SLC8A1: variants seen among roughly 807,000 people sequenced by gnomAD.
SLC8A1 encodes the protein sodium/calcium exchanger 1.
In SLC8A1, 18 loss-of-function variants were observed where a neutral mutation model predicts 68.3. The ratio of observed to expected loss-of-function variants is 0.26; its 90% confidence interval spans 0.18 to 0.39. The LOEUF is 0.39. Among genes scored for constraint, SLC8A1 ranks in the 10% least tolerant of loss-of-function variants. The probability of loss-of-function intolerance (pLI) is 1.00; values close to 1 mark genes in which losing one functional copy is unlikely to be tolerated. For synonymous variants in SLC8A1, 475 were observed against 415.5 expected, an observed-to-expected ratio of 1.14 and a Z score of -1.74; for missense variants, 985 against 1,156.7, an observed-to-expected ratio of 0.85 and a Z score of 2.15.
intron 2 of SLC8A1, among the ~76,000 whole-genome samples, chr2:40,298,286 C>T (rs938005898): frequency 2.6e-5 from 4 of 152,164 alleles, no homozygotes; most frequent in Non-Finnish European, 4.4e-5. Context: ...CTACTTTGTC[C>T]AGCAAACTGC....
At chr2:40,262,870 CACTT>C (rs985137449) in intron 2 of SLC8A1, among the ~76,000 whole-genome samples, 2 of 152,172 alleles carry the variant, frequency 1.3e-5, no homozygotes, top group African/African-American at 4.8e-5. Flanking sequence ...CTCTTTCAAA[CACTT>C]ACTAAGTTTA....
intron 2 of SLC8A1, among the ~76,000 whole-genome samples, chr2:40,378,558 TG>T (rs1680704211): frequency 6.6e-6 from 1 of 152,116 alleles, no homozygotes; most frequent in Non-Finnish European, 1.5e-5. Flanking sequence ...GAGGAGTGTC[TG>T]GGAAAATCAG....
At chr2:40,441,552 G>A (rs1378034382) in intron 1 of SLC8A1, among the ~76,000 whole-genome samples, 9 of 151,480 alleles carry the variant, frequency 5.9e-5, no homozygotes, top group African/African-American at 1.4e-4. Context: ...AGTACGGTAC[G>A]GGTACCAAAA....
chr2:40,169,804 G>A (rs1475687090), intron 4 of SLC8A1, among the ~76,000 whole-genome samples: 1 of 152,132 alleles, frequency 6.6e-6, no homozygotes, highest in African/African-American at 2.4e-5. Flanking sequence ...AGCTGGGCAT[G>A]GTGGTACACA....
intron 2 of SLC8A1, among the ~76,000 whole-genome samples, chr2:40,293,142 C>G (rs907201800): frequency 6.6e-6 from 1 of 152,074 alleles, no homozygotes; most frequent in Non-Finnish European, 1.5e-5. Context: ...GCCTGAACAC[C>G]TAAGTTAACT....
At chr2:40,393,660 T>C (rs920900299) in intron 2 of SLC8A1, among the ~76,000 whole-genome samples, 2 of 152,142 alleles carry the variant, frequency 1.3e-5, no homozygotes, top group South Asian at 2.1e-4. Context: ...GGGATAACTG[T>C]GTAATGTGAA....
chr2:40,376,364 G>C (rs901792445), intron 2 of SLC8A1, among the ~76,000 whole-genome samples: 2 of 152,094 alleles, frequency 1.3e-5, no homozygotes, highest in African/African-American at 2.4e-5. Context: ...GCTATGGTTT[G>C]TTCGCCTACA....
rs115886382 is a variant in SLC8A1 at position 40,160,385 on chromosome 2, C to T, written c.2161+380G>A. The stretch of plus-strand genomic sequence containing the variant: ...TGTGGTCAAGTGTCTTAGTGTCTTC[C>T]CTTTCCACCTAGGATTTTGCTGCTT... On this transcript the variant is annotated intron_variant, in intron 6 of 7. Coordinates refer to ENST00000406785, the Ensembl canonical transcript of SLC8A1. Among the ~76,000 whole-genome samples, 213 of 152,234 alleles carry T rather than the reference C, an allele frequency of 1.4e-3. 1 individual carries two copies. Among genetic ancestry groups the T allele is most frequent in the African/African-American group, 5.0e-3 (208 of 41,548 alleles).
At position 40,165,089 on chromosome 2, in the gene SLC8A1, T is replaced by C; in HGVS notation, c.1931-105A>G. ...AAGGAGGAAGGAAGCCCTAATGACC[T>C]ACTAAAGCCCCCTGGGTGAGATCAC... On this transcript the variant is annotated intron_variant, in intron 4 of 7. Transcript: ENST00000406785. The C allele has an allele frequency of 7.7e-6, 11 of 1,419,502 alleles. No individual in the cohort carries two copies. The South Asian group carries it at 8.6e-5, about 11-fold the overall frequency. The allele number at this position is 1,419,502 out of a possible 1,614,324, so 87.9% of individuals were successfully genotyped here.
chr2:40,387,246 G>T (rs1255704993), intron 2 of SLC8A1, among the ~76,000 whole-genome samples: 2 of 151,320 alleles, frequency 1.3e-5, no homozygotes, highest in East Asian at 3.9e-4. Context: ...GTTCCTCTTT[G>T]TGTGCCTTCT....
chr2:40,483,253 A>C (rs141487704), intron 1 of SLC8A1, among the ~76,000 whole-genome samples: 1 of 150,714 alleles, frequency 6.6e-6, no homozygotes, highest in Non-Finnish European at 1.5e-5. Flanking sequence ...AAAATTCACA[A>C]TCACTGAAAA....
At chr2:40,240,746 C>G (rs987789085) in intron 2 of SLC8A1, among the ~76,000 whole-genome samples, 1 of 152,152 alleles carries the variant, frequency 6.6e-6, no homozygotes, top group Non-Finnish European at 1.5e-5. Flanking sequence ...GGCATGGCAG[C>G]TCCTGCCTGT....
At chr2:40,297,124 C>T (rs974849397) in intron 2 of SLC8A1, among the ~76,000 whole-genome samples, 1 of 152,066 alleles carries the variant, frequency 6.6e-6, no homozygotes, top group African/African-American at 2.4e-5. Context: ...TGTCAAAAGA[C>T]ATAGAAATTG....
At chr2:40,102,332 C>G (rs1168607939) in exon 8 of SLC8A1, 1 of 149,882 alleles carries the variant, frequency 6.7e-6, no homozygotes, top group Non-Finnish European at 1.5e-5. Flanking sequence ...TTCACAATTT[C>G]TTGAATGAAC....
chr2:40,172,475 GGT>G (rs1483847544), intron 4 of SLC8A1, among the ~76,000 whole-genome samples: 2 of 152,108 alleles, frequency 1.3e-5, no homozygotes, highest in African/African-American at 4.8e-5. Flanking sequence ...CTTTGTAGGA[GGT>G]GATTCTGTCA....
At chr2:40,348,799 G>A (rs1211556802) in intron 2 of SLC8A1, among the ~76,000 whole-genome samples, 1 of 152,144 alleles carries the variant, frequency 6.6e-6, no homozygotes, top group Non-Finnish European at 1.5e-5. Context: ...TCAGTCTGGA[G>A]GAAAGAAGTG....
chr2:40,227,199 T>G (rs2059090815), intron 2 of SLC8A1, among the ~76,000 whole-genome samples: 1 of 152,176 alleles, frequency 6.6e-6, no homozygotes. Context: ...TATGGTTCTT[T>G]GTTTTGTGAG....
chr2:40,431,014 A>G (rs1341092410), intron 1 of SLC8A1, among the ~76,000 whole-genome samples: 1 of 152,340 alleles, frequency 6.6e-6, no homozygotes, highest in East Asian at 1.9e-4. Flanking sequence ...CACATTAAGT[A>G]CAGTTTTTAA....
intron 2 of SLC8A1, among the ~76,000 whole-genome samples, chr2:40,390,896 T>C (rs1409783672): frequency 1.3e-5 from 2 of 152,112 alleles, no homozygotes; most frequent in Non-Finnish European, 2.9e-5. Flanking sequence ...GGCATTTCTA[T>C]TCTCAGGTAG....
Sources: gnomAD v4.1 joint callset for allele counts (sites outside exome capture counted in the v4.1 genomes callset) on GRCh38, gnomAD v4.1.1 for gene constraint, MANE v1.5 for transcripts, NCBI Gene and HGNC (gene_info 2026-07-23, HGNC 2026-07-21) for gene names.